ABCC10: variants seen among roughly 807,000 people sequenced by gnomAD.
The protein encoded by ABCC10 is ATP-binding cassette sub-family C member 10.
Under a neutral mutation model 143.2 loss-of-function variants are expected in ABCC10, and 110 were observed. The ratio of observed to expected loss-of-function variants is 0.77; its 90% confidence interval spans 0.66 to 0.90. ABCC10 has a LOEUF of 0.90. ABCC10 is among the 40% of genes least tolerant of loss of function. The pLI, the probability that ABCC10 is intolerant of heterozygous loss-of-function variation, is 0.00. For missense variants in ABCC10, 1,700 were observed against 1,900.5 expected (o/e 0.89, Z 1.96); for synonymous variants, 805 against 846.7 (o/e 0.95, Z 0.85).
chr6:43,445,723 G>C lies in ABCC10; in HGVS notation c.3155G>C (p.Gly1052Ala). The change falls in exon 15 of 22, where the codon GGC becomes GCC. Residue 1052 changes from glycine to alanine, a missense_variant. By Grantham distance (60) the Gly-to-Ala change is moderately conservative. Coordinates refer to ENST00000372530, the MANE Select transcript of ABCC10 (RefSeq NM_001198934.2). ...AACATCCTCCTGGCCAACGCGGCAG[G>C]CCTGCTGGGGCTCCTGGCCGTGCTG... ...ILNILLANAA[G>A]LLGLLAVLGS... is the part of the protein sequence containing the mutation. The C allele has an allele frequency of 6.2e-6, 10 of 1,614,200 alleles. No homozygotes were observed. The highest frequency in any genetic ancestry group is 8.5e-6 in the Non-Finnish European group (10 of 1,180,046).
At chr6:43,451,381 C>G (rs903459309), downstream of ABCC10, 1 of 1,374,076 alleles carries the variant, frequency 7.3e-7, no homozygotes, top group African/African-American at 1.5e-5. The surrounding 1 kb of genome is among the most constrained non-coding windows in gnomAD (Gnocchi z 4.4). Flanking sequence ...GGGCTACACA[C>G]TCCGAGCCTC....
chr6:43,451,171 T>A, downstream of ABCC10: 7 of 1,614,112 alleles, frequency 4.3e-6, no homozygotes, highest in Non-Finnish European at 5.9e-6. The surrounding 1 kb of genome is among the most constrained non-coding windows in gnomAD (Gnocchi z 4.4). Context: ...TCATCCACAT[T>A]TACCTCACAG....
intron 2 of ABCC10, among the ~76,000 whole-genome samples, chr6:43,428,508 G>A (rs1409705118): frequency 2.0e-5 from 3 of 152,208 alleles, no homozygotes; most frequent in African/African-American, 7.2e-5. Context: ...CAAAAGCGAT[G>A]ATGTGTTTAA....
Position 43,447,710 on chromosome 6 carries a change from G to C in ABCC10, c.3732G>C (p.Gly1244=). 1 of 1,614,154 alleles carries C rather than the reference G, an allele frequency of 6.2e-7. No homozygotes were observed. Among genetic ancestry groups the C allele is most frequent in the East Asian group, 2.2e-5 (1 of 44,884 alleles). ...TGGGCACCGGCTGGCTGACCCAGGGGGGCGTGGAGTTCCAGGACGTGGTGT... is the reference window on the plus strand; with the variant it reads ...TGGGCACCGGCTGGCTGACCCAGGGCGGCGTGGAGTTCCAGGACGTGGTGT... ...LQLGTGWLTQ[G]GVEFQDVVLA... The change falls in exon 18 of 22, where the codon GGG becomes GGC. Residue 1244 remains glycine, a synonymous_variant. Transcript: ENST00000372530.
rs769664717 is a variant in ABCC10, at chr6:43,449,433, C to T, written c.4215C>T (p.Ile1405=). ...TTCCCATATTCCAGATCCTGTGTAT[C>T]GATGAGGCCACAGCAAGTGTGGACC... is the stretch of plus-strand genomic sequence containing the variant. ...ALLTDAKILC[I]DEATASVDQK... is the part of the protein sequence containing the mutation. The change falls in exon 21 of 22, where the codon ATC becomes ATT. Residue 1405 remains isoleucine, a synonymous_variant. Coordinates refer to ENST00000372530, the MANE Select transcript of ABCC10 (RefSeq NM_001198934.2). The T allele has an allele frequency of 1.1e-5, 17 of 1,612,568 alleles. No individual in the cohort carries two copies. Among genetic ancestry groups the T allele is most frequent in the Non-Finnish European group, 1.4e-5 (16 of 1,179,306 alleles).
At position 43,446,292 on chromosome 6, in the gene ABCC10, C is replaced by G. The variant is rs140044889; in HGVS notation, c.3390C>G (p.Asn1130Lys). The change falls in exon 16 of 22, where the codon AAC becomes AAG. Residue 1130 changes from asparagine to lysine, a missense_variant. Transcript: ENST00000372530. ...TGATYRFEEENLRLLELNQRC... is the reference protein window; with the variant it reads ...TGATYRFEEEKLRLLELNQRC... The stretch of plus-strand genomic sequence containing the variant: ...CCTTCCCTAGGTTTGAGGAGGAGAA[C>G]CTGCGACTCCTTGAGCTAAACCAGA... The G allele has an allele frequency of 7.4e-6, 12 of 1,613,598 alleles. No homozygotes were observed. In the South Asian group the frequency reaches 7.7e-5, roughly 10 times the overall value.
Position 43,433,355 on chromosome 6 carries a change from GT to G in ABCC10, c.1377del (p.Lys460SerfsTer3), listed in dbSNP as rs1225904704. 1 of 1,607,418 alleles carries G rather than the reference GT, an allele frequency of 6.2e-7. No individual in the cohort carries two copies. Among genetic ancestry groups the G allele is most frequent in the African/African-American group, 1.3e-5 (1 of 74,824 alleles). On this transcript the variant is annotated frameshift_variant, in exon 3 of 22. Transcript: ENST00000372530. LOFTEE classifies it high-confidence loss of function. ...AATGCTACAGCACAAGGATGCGCGGGTTAAGGTGAGCGGGTACTTGGGGTCC... is the reference window on the plus strand; with the variant it reads ...AATGCTACAGCACAAGGATGCGCGGGTAAGGTGAGCGGGTACTTGGGGTCC... ...QEMLQHKDAR[V>X]KLVTELLSGI...
chr6:43,449,558 C>G (rs1330118137), intron 21 of ABCC10, 24 bp downstream of exon 21: 1 of 1,588,066 alleles, frequency 6.3e-7, no homozygotes, highest in Non-Finnish European at 8.6e-7. Context: ...TGGTAACAGC[C>G]TAATCAGGGA....
At position 43,437,814 on chromosome 6, in the gene ABCC10, G is replaced by A. The variant is rs1395513912; in HGVS notation, c.1876-120G>A. ...GAGAATTCTTTCCCTACACACTAAAGAAAGAAGAAAAGAGAAGCCTCAGTG... is the reference window on the plus strand; with the variant it reads ...GAGAATTCTTTCCCTACACACTAAAAAAAGAAGAAAAGAGAAGCCTCAGTG... On this transcript the variant is annotated intron_variant, in intron 6 of 21. Coordinates refer to ENST00000372530, the MANE Select transcript of ABCC10 (RefSeq NM_001198934.2). 2.2e-5 allele frequency: 21 copies of A among 937,076 alleles called. No individual in the cohort carries two copies. The East Asian group carries it at 5.0e-4, about 22-fold the overall frequency. The allele number at this position is 937,076 out of a possible 1,614,324, so 58.0% of individuals were successfully genotyped here.
In ABCC10 at chr6:43,434,723, C is replaced by T. The variant is rs1781500490; in HGVS notation, c.1483C>T (p.Arg495Ter). Residue 495 changes from arginine to a stop codon, truncating the protein, a stop_gained, in exon 4 of 22, where the codon CGA becomes TGA. Transcript: ENST00000372530. LOFTEE classifies it high-confidence loss of function. ...GGCCTGCCGGGCTCGAGAGCTGGGG[C>T]GACTCCGGGTCATCAAATACCTGGA... ...VEACRARELG[R>*]LRVIKYLDAA... 1.9e-6 allele frequency: 3 copies of T among 1,614,136 alleles called. No individual in the cohort carries two copies. Among genetic ancestry groups the T allele is most frequent in the African/African-American group, 1.3e-5 (1 of 75,014 alleles).
rs762312981 is a variant in ABCC10, at chr6:43,445,800, T to C, written c.3232T>C (p.Tyr1078His). ...CCTGCTGCCGCCTTTGAGCATCATG[T>C]ACTATCACGTGCAGCGCCACTACAG... is the stretch of plus-strand genomic sequence containing the variant. ...LLLLPPLSIM[Y>H]YHVQRHYRAS... The change falls in exon 15 of 22, where the codon TAC becomes CAC. Residue 1078 changes from tyrosine to histidine, a missense_variant. Physicochemically the swap from Tyr to His is moderately conservative, Grantham distance 83. Coordinates refer to ENST00000372530, the MANE Select transcript of ABCC10 (RefSeq NM_001198934.2). The C allele has an allele frequency of 1.2e-6, 2 of 1,613,974 alleles. No individual in the cohort carries two copies. The highest frequency in any genetic ancestry group is 2.2e-5 in the East Asian group (1 of 44,884).
At chr6:43,451,493 G>C (rs576441023), downstream of ABCC10, among the ~76,000 whole-genome samples, 2 of 152,322 alleles carry the variant, frequency 1.3e-5, no homozygotes, top group South Asian at 4.1e-4. This position sits in a 1 kb window ranked among gnomAD's most constrained non-coding sequence, Gnocchi z 4.4. Flanking sequence ...ACAGGGCCCA[G>C]CCAGAAGGCA....
Position 43,444,348 on chromosome 6 carries a change from T to C in ABCC10, c.2684T>C (p.Met895Thr), listed in dbSNP as rs746743842. The change falls in exon 12 of 22, where the codon ATG (methionine) becomes ACG (threonine). Residue 895 changes from methionine to threonine, a missense_variant. Met to Thr is a moderately conservative substitution (Grantham distance 81). Transcript: ENST00000372530. Reference protein sequence around the residue: ...ALAILFSLLLMQATRNAADWW... With the variant: ...ALAILFSLLLTQATRNAADWW... ...GCCATCCTCTTCTCTCTGCTTCTCA[T>C]GCAAGGTGAGAGCGTGCCTGGGAGT... is the stretch of plus-strand genomic sequence containing the variant. 4 of 1,605,774 alleles carry C rather than the reference T, an allele frequency of 2.5e-6. No homozygotes were observed. The South Asian group carries it at 4.4e-5, about 18-fold the overall frequency.
At chr6:43,448,787 T>C in intron 18 of ABCC10, 94 bp from the exon 19 acceptor site, 2 of 1,467,932 alleles carry the variant, frequency 1.4e-6, no homozygotes, top group African/African-American at 2.8e-5. Flanking sequence ...ATACCCAGGC[T>C]TTCATGGAGG....
intron 2 of ABCC10, among the ~76,000 whole-genome samples, chr6:43,430,327 GTGATC>G (rs1780993035): frequency 1.3e-5 from 2 of 152,036 alleles, no homozygotes; most frequent in African/African-American, 2.4e-5. Flanking sequence ...CTGGCCTCAA[GTGATC>G]CACCTGCCTC....
In ABCC10 at chr6:43,447,818, C is replaced by T. The variant is rs1202815698; in HGVS notation, c.3840C>T (p.Gly1280=). 6.2e-7 allele frequency: 1 copy of T among 1,613,680 alleles called. No individual in the cohort carries two copies. ...VQPGEKLGIV[G]RTGSGKSSLL... ...CTGGAGAGAAGTTGGGCATCGTGGG[C>T]CGCACAGGCTCCGGCAAGTCTTCCC... Residue 1280 remains glycine (G), a synonymous_variant, in exon 18 of 22, where the codon GGC becomes GGT. Transcript: ENST00000372530.
In ABCC10 at chr6:43,433,011, A is replaced by G. The variant is rs1191897512; in HGVS notation, c.1031A>G (p.Tyr344Cys). Reference sequence around the variant, plus strand: ...CTGGGTGCTGTGCTGCAGAATCAGTATGGGTATGAGGTATATAAGGTAACA... The same window carrying G: ...CTGGGTGCTGTGCTGCAGAATCAGTGTGGGTATGAGGTATATAAGGTAACA... ...AVLGAVLQNQ[Y>C]GYEVYKVTLQ... is the part of the protein sequence containing the mutation. Residue 344 changes from tyrosine to cysteine, a missense_variant, in exon 3 of 22, where the codon TAT (tyrosine) becomes TGT (cysteine). By Grantham distance (194) the Tyr-to-Cys change is radical (BLOSUM62 -2). Transcript: ENST00000372530. 6.2e-7 allele frequency: 1 copy of G among 1,614,030 alleles called. No homozygotes were observed. The highest frequency in any genetic ancestry group is 1.7e-5 in the Admixed American group (1 of 60,014).
Position 43,433,307 on chromosome 6 carries a change from C to T in ABCC10, c.1327C>T (p.Arg443Cys), listed in dbSNP as rs866831212. Residue 443 changes from arginine (R) to cysteine (C), a missense_variant, in exon 3 of 22, where the codon CGC becomes TGC. Coordinates refer to ENST00000372530, the MANE Select transcript of ABCC10 (RefSeq NM_001198934.2). ...LVPVNKVIAT[R>C]IMASNQEMLQ... ...ACCCGTCAACAAAGTGATTGCCACC[C>T]GCATCATGGCCAGCAACCAGGAAAT... 8 of 1,613,932 alleles carry T rather than the reference C, an allele frequency of 5.0e-6. No homozygotes were observed. Among genetic ancestry groups the T allele is most frequent in the African/African-American group, 2.7e-5 (2 of 74,938 alleles).
chr6:43,451,771 T>G (rs1783756612), downstream of ABCC10: 3 of 956,476 alleles, frequency 3.1e-6, no homozygotes, highest in Non-Finnish European at 3.7e-6. This position sits in a 1 kb window ranked among gnomAD's most constrained non-coding sequence, Gnocchi z 4.4. Context: ...AAAAAAAAAG[T>G]TGAGAAACCC....
Sources: allele counts gnomAD v4.1 joint callset (sites outside exome capture counted in the v4.1 genomes callset), GRCh38; gene constraint gnomAD v4.1.1; non-coding constraint Gnocchi (gnomAD v3.1); transcripts MANE v1.5; gene names NCBI Gene and HGNC (gene_info 2026-07-23, HGNC 2026-07-21).